GSE1: variants seen among roughly 807,000 people sequenced by gnomAD.
GSE1 encodes Gse1 coiled-coil protein.
A neutral mutation model predicts 112.6 loss-of-function variants in GSE1; 32 were observed. The observed-to-expected ratio is 0.28, with a 90% confidence interval of 0.21 to 0.38. The LOEUF (loss-of-function observed/expected upper bound fraction) is 0.38, where lower values mean the gene tolerates loss of function less well. GSE1 is among the 10% of genes least tolerant of loss of function. The pLI, the probability that GSE1 is intolerant of heterozygous loss-of-function variation, is 1.00. For missense variants in GSE1, 2,348 were observed against 1,699.2 expected (o/e 1.38, Z -6.71); for synonymous variants, 1,115 against 735.6 (o/e 1.52, Z -8.35).
rs2053542394 is a variant in GSE1, at chr16:85,674,021, A to AGTC, written c.*1483_*1485dup. On this transcript the variant is annotated 3_prime_UTR_variant, in exon 16 of 16. Coordinates refer to ENST00000253458, the MANE Select transcript of GSE1 (RefSeq NM_014615.5). ...TCACACCAAGGCAAAGCAACGGGCG[A>AGTC]GTCTTCCTCCTTGTCCTAGTTACTG... 1 of 151,834 alleles carries AGTC rather than the reference A, an allele frequency of 6.6e-6. No homozygotes were observed. The highest frequency in any genetic ancestry group is 6.6e-5 in the Admixed American group (1 of 15,116). 9.4% of individuals were successfully genotyped at this position (151,834 alleles called of 1,614,324 possible).
At chr16:85,302,479 G>A in intron 1 of GSE1, among the ~76,000 whole-genome samples, 1 of 150,816 alleles carries the variant, frequency 6.6e-6, no homozygotes. Flanking sequence ...CACACCGATA[G>A]TACTGCTATC....
At chr16:85,170,584 C>T in exon 1 of GSE1, 10 of 985,576 alleles carry the variant, frequency 1.0e-5, no homozygotes, top group African/African-American at 1.7e-5. Flanking sequence ...CCGTGTCCCC[C>T]GGGCTCTCCA....
In GSE1 at chr16:85,260,951, C is replaced by T. The variant is rs747823158; in HGVS notation, c.2283+89144C>T. ...CCCTGGCCTAGCTGCAGGGAGAAAG[C>T]GAATGTGTTTGGAAAGGCCCGGCCT... On this transcript the variant is annotated intron_variant, in intron 1 of 2. Transcript: ENST00000637419. Among the ~76,000 whole-genome samples, 11 of 152,210 alleles carry T rather than the reference C, an allele frequency of 7.2e-5. No homozygotes were observed. The East Asian group carries it at 7.7e-4, about 11-fold the overall frequency.
chr16:85,221,393 A>C (rs1476785089), intron 1 of GSE1, among the ~76,000 whole-genome samples: 1 of 152,032 alleles, frequency 6.6e-6, no homozygotes, highest in African/African-American at 2.4e-5. Flanking sequence ...CCACATGCAT[A>C]CACACATACC....
chr16:85,253,693 G>A (rs1435184623), intron 1 of GSE1, among the ~76,000 whole-genome samples: 4 of 152,250 alleles, frequency 2.6e-5, no homozygotes, highest in Non-Finnish European at 5.9e-5. Context: ...AAGACCTGGA[G>A]GAAGAGTTAG....
chr16:85,669,575 A>T (rs912076222), intron 14 of GSE1, among the ~76,000 whole-genome samples: 1 of 151,970 alleles, frequency 6.6e-6, no homozygotes, highest in East Asian at 1.9e-4. Context: ...CTTTTAGTGC[A>T]CTCGTATATA....
rs1438074985 is a variant in GSE1, at chr16:85,379,176, CCTGGGCCTCAGCACCCTCCTCG to C, written c.2464+21543_2464+21564del. Among the ~76,000 whole-genome samples the C allele has an allele frequency of 3.9e-5, 6 of 152,326 alleles. No homozygotes were observed. The South Asian group carries it at 1.2e-3, about 32-fold the overall frequency. On this transcript the variant is annotated intron_variant, in intron 2 of 2. Coordinates refer to the GSE1 transcript ENST00000637419. ...ACCTCTTCCTCGATGGCTGCCCCTC[CCTGGGCCTCAGCACCCTCCTCG>C]CTGGGCCTCCTCCGCATGCAGTGCC... is the stretch of plus-strand genomic sequence containing the variant.
chr16:85,249,109 C>T (rs1036884870), intron 1 of GSE1, among the ~76,000 whole-genome samples: 1 of 152,216 alleles, frequency 6.6e-6, no homozygotes, highest in African/African-American at 2.4e-5. Flanking sequence ...CACAAAAGCC[C>T]TTTTGCTCAG....
At chr16:85,321,586 C>T (rs1277019946) in intron 1 of GSE1, among the ~76,000 whole-genome samples, 2 of 151,950 alleles carry the variant, frequency 1.3e-5, no homozygotes, top group South Asian at 2.1e-4. Flanking sequence ...CAGTGAGCCA[C>T]GATCATGCTG....
At chr16:85,403,956 G>A (rs1045006181) in intron 2 of GSE1, among the ~76,000 whole-genome samples, 2 of 152,156 alleles carry the variant, frequency 1.3e-5, no homozygotes, top group Non-Finnish European at 1.5e-5. Context: ...GGCTTCCAGG[G>A]CTTGTGGCCG....
rs7195805 is a variant in GSE1, at chr16:85,666,084, G to T, written c.2867G>T (p.Arg956Leu). The T allele has an allele frequency of 1.2e-6, 2 of 1,613,122 alleles. No homozygotes were observed. Among genetic ancestry groups the T allele is most frequent in the African/African-American group, 1.3e-5 (1 of 74,930 alleles). ...GAGCCTGGGAAGCTGGAACAGGTCC[G>T]GCCCCAGGAGCTGTCGAGAGTCCAG... Reference protein sequence around the residue: ...AAEPGKLEQVRPQELSRVQEL... With the variant: ...AAEPGKLEQVLPQELSRVQEL... Residue 956 changes from arginine to leucine, a missense_variant, in exon 13 of 16, where the codon CGG becomes CTG. Coordinates refer to ENST00000253458, the MANE Select transcript of GSE1 (RefSeq NM_014615.5).
chr16:85,643,828 C>G (rs1460121720), intron 2 of GSE1, among the ~76,000 whole-genome samples: 2 of 152,124 alleles, frequency 1.3e-5, no homozygotes, highest in African/African-American at 2.4e-5. Context: ...GCCATTGGCC[C>G]CAACTTTTCC....
chr16:85,298,157 C>T (rs759093766), intron 1 of GSE1, among the ~76,000 whole-genome samples: 15 of 152,138 alleles, frequency 9.9e-5, no homozygotes, highest in African/African-American at 1.4e-4. Context: ...TTCCGCAGTG[C>T]GGGGTGGGGC....
chr16:85,199,552 CG>C (rs1389552563), intron 1 of GSE1, among the ~76,000 whole-genome samples: 4 of 152,196 alleles, frequency 2.6e-5, no homozygotes, highest in Non-Finnish European at 5.9e-5. Flanking sequence ...GGCTTAGCTG[CG>C]AAAAGAGACA....
intron 1 of GSE1, among the ~76,000 whole-genome samples, chr16:85,230,786 A>G (rs1368647660): frequency 2.0e-5 from 3 of 152,218 alleles, no homozygotes; most frequent in African/African-American, 7.2e-5. Flanking sequence ...GATGCTGATT[A>G]GATAAAATGG....
At chr16:85,220,777 C>G (rs1272287244) in intron 1 of GSE1, among the ~76,000 whole-genome samples, 2 of 152,210 alleles carry the variant, frequency 1.3e-5, no homozygotes, top group Middle Eastern at 3.2e-3. Context: ...GCTTCGGTTT[C>G]TCTTTTTTTG....
chr16:85,307,602 G>A (rs1336027162), intron 1 of GSE1, among the ~76,000 whole-genome samples: 1 of 41,398 alleles, frequency 2.4e-5, no homozygotes, highest in Non-Finnish European at 4.1e-5. Context: ...ACAACAGCGT[G>A]TGATGGCACA....
Position 85,666,540 on chromosome 16 carries a change from C to G in GSE1, c.3130+193C>G. On this transcript the variant is annotated intron_variant, in intron 13 of 15. Transcript: ENST00000253458. The stretch of plus-strand genomic sequence containing the variant: ...TTATCTCCAAGCTCTAAAACCTGAA[C>G]TCGTAGGTGAGAAACGTTTGTAGGC... 6.4e-6 allele frequency: 4 copies of G among 620,630 alleles called. No individual in the cohort carries two copies. In the South Asian group the frequency reaches 7.9e-5, roughly 12 times the overall value. 38.4% of individuals were successfully genotyped at this position (620,630 alleles called of 1,614,324 possible).
intron 2 of GSE1, among the ~76,000 whole-genome samples, chr16:85,529,599 AC>A (rs959537628): frequency 2.8e-4 from 42 of 151,180 alleles, no homozygotes; most frequent in Admixed American, 2.0e-4. Flanking sequence ...CTAGCCCCCC[AC>A]CCCCACTACG....
Sources: allele counts gnomAD v4.1 joint callset (sites outside exome capture counted in the v4.1 genomes callset), GRCh38; gene constraint gnomAD v4.1.1; transcripts MANE v1.5; gene names NCBI Gene and HGNC (gene_info 2026-07-23, HGNC 2026-07-21).